FSTL5: variants seen among roughly 807,000 people sequenced by gnomAD.
FSTL5 encodes the protein follistatin like 5.
Under a neutral mutation model 89.1 loss-of-function variants are expected in FSTL5, and 62 were observed. The ratio of observed to expected loss-of-function variants is 0.70; its 90% confidence interval spans 0.57 to 0.86. The LOEUF (loss-of-function observed/expected upper bound fraction) is 0.86. FSTL5 is among the 40% of genes least tolerant of loss of function. The pLI is 0.00. For synonymous variants in FSTL5, 383 were observed against 346.2 expected (o/e 1.11, Z -1.18); for missense variants, 1,057 against 1,001.6 (o/e 1.06, Z -0.75).
intron 7 of FSTL5, among the ~76,000 whole-genome samples, chr4:161,636,256 T>C (rs1578984433): frequency 6.6e-6 from 1 of 152,090 alleles, no homozygotes; most frequent in Non-Finnish European, 1.5e-5. Flanking sequence ...TTAAAGAACA[T>C]AAAAATCTAT....
At chr4:161,976,393 C>T (rs1376354554) in intron 3 of FSTL5, among the ~76,000 whole-genome samples, 2 of 152,128 alleles carry the variant, frequency 1.3e-5, no homozygotes, top group African/African-American at 4.8e-5. Flanking sequence ...CCCAATTCAT[C>T]ATCATCAAAA....
intron 4 of FSTL5, among the ~76,000 whole-genome samples, chr4:161,845,072 C>T (rs1387925416): frequency 6.6e-6 from 1 of 152,026 alleles, no homozygotes; most frequent in African/African-American, 2.4e-5. Flanking sequence ...GAACAGAAAA[C>T]AACAATATTC....
chr4:161,732,574 A>C (rs1739651242), intron 6 of FSTL5, among the ~76,000 whole-genome samples: 1 of 152,092 alleles, frequency 6.6e-6, no homozygotes, highest in Admixed American at 6.6e-5. Flanking sequence ...AGCCAAAACA[A>C]GGCATGCAAA....
intron 2 of FSTL5, among the ~76,000 whole-genome samples, chr4:162,038,932 T>C (rs969807709): frequency 3.3e-4 from 50 of 151,930 alleles, no homozygotes; most frequent in African/African-American, 1.2e-3. Flanking sequence ...TTTCATACTA[T>C]AAGCTTAAAC....
At chr4:161,558,401 A>G (rs1732468803) in intron 8 of FSTL5, among the ~76,000 whole-genome samples, 1 of 151,884 alleles carries the variant, frequency 6.6e-6, no homozygotes, top group Non-Finnish European at 1.5e-5. Flanking sequence ...TTAAAACTGC[A>G]TAAGAATTTA....
intron 3 of FSTL5, among the ~76,000 whole-genome samples, chr4:161,952,577 A>G (rs1443491732): frequency 6.6e-6 from 1 of 151,998 alleles, no homozygotes; most frequent in Non-Finnish European, 1.5e-5. Context: ...ATTTGGATTC[A>G]TAAAATTGTT....
intron 15 of FSTL5, among the ~76,000 whole-genome samples, chr4:161,404,288 T>C (rs922168189): frequency 6.6e-6 from 1 of 152,098 alleles, no homozygotes. Flanking sequence ...AGTAGACACA[T>C]TGGAAGCCCT....
chr4:161,636,552 G>A (rs1404122669), intron 7 of FSTL5, among the ~76,000 whole-genome samples: 40 of 148,502 alleles, frequency 2.7e-4, no homozygotes, highest in Admixed American at 6.8e-4. Flanking sequence ...ATGCTGGTGC[G>A]CTGCACGCAC....
At chr4:161,941,872 T>A (rs1734597026) in intron 3 of FSTL5, among the ~76,000 whole-genome samples, 1 of 151,948 alleles carries the variant, frequency 6.6e-6, no homozygotes, top group African/African-American at 2.4e-5. Context: ...TGCCCCAGGA[T>A]ATGTTAGGCC....
chr4:161,746,651 C>T (rs1342227851), intron 6 of FSTL5, among the ~76,000 whole-genome samples: 2 of 152,150 alleles, frequency 1.3e-5, no homozygotes, highest in African/African-American at 4.8e-5. Flanking sequence ...TTTCTTTCTG[C>T]TTCTCATCTT....
At chr4:161,628,269 A>G (rs1735379911) in intron 7 of FSTL5, among the ~76,000 whole-genome samples, 1 of 152,156 alleles carries the variant, frequency 6.6e-6, no homozygotes. Flanking sequence ...GACTTAATTG[A>G]AAAATCTATA....
intron 5 of FSTL5, among the ~76,000 whole-genome samples, chr4:161,763,779 G>T (rs1454648137): frequency 6.6e-6 from 1 of 152,104 alleles, no homozygotes; most frequent in Non-Finnish European, 1.5e-5. Flanking sequence ...AAGCCCATTT[G>T]ATTTGAGGTA....
intron 7 of FSTL5, among the ~76,000 whole-genome samples, chr4:161,647,488 A>T (rs559007265): frequency 6.6e-6 from 1 of 151,802 alleles, no homozygotes; most frequent in Admixed American, 6.6e-5. Flanking sequence ...GTGGTTCCAT[A>T]TAAATTTCAG....
chr4:161,588,617 T>TCACACAACA, intron 7 of FSTL5, among the ~76,000 whole-genome samples: 4 of 152,140 alleles, frequency 2.6e-5, no homozygotes, highest in African/African-American at 9.7e-5. Flanking sequence ...ATTGCCAAAA[T>TCACACAACA]CAATTTTTTT....
chr4:162,009,070 C>T (rs1736689342), intron 3 of FSTL5, among the ~76,000 whole-genome samples: 1 of 152,066 alleles, frequency 6.6e-6, no homozygotes, highest in Non-Finnish European at 1.5e-5. Flanking sequence ...TATGTTTAAA[C>T]TACCAGTTAG....
chr4:161,548,828 T>G (rs2126553394), intron 8 of FSTL5, among the ~76,000 whole-genome samples: 1 of 152,020 alleles, frequency 6.6e-6, no homozygotes, highest in African/African-American at 2.4e-5. Flanking sequence ...CAAATGATTG[T>G]GCTATGTAAA....
intron 4 of FSTL5, among the ~76,000 whole-genome samples, chr4:161,791,926 G>A (rs540347973): frequency 3.9e-5 from 6 of 152,288 alleles, no homozygotes; most frequent in Non-Finnish European, 7.3e-5. Flanking sequence ...TGCGCGCTCC[G>A]CAGAGCCAGT....
At chr4:161,814,394 A>G (rs1579111950) in intron 4 of FSTL5, among the ~76,000 whole-genome samples, 1 of 152,170 alleles carries the variant, frequency 6.6e-6, no homozygotes, top group South Asian at 2.1e-4. Flanking sequence ...CCTGAAAAGG[A>G]ATTTCTTGAG....
At chr4:161,839,855 G>T (rs1731158639) in intron 4 of FSTL5, among the ~76,000 whole-genome samples, 1 of 152,100 alleles carries the variant, frequency 6.6e-6, no homozygotes, top group African/African-American at 2.4e-5. Flanking sequence ...ATGTTTCATT[G>T]TTATTTAAGT....
Sources: gnomAD v4.1 joint callset for allele counts (sites outside exome capture counted in the v4.1 genomes callset) on GRCh38, gnomAD v4.1.1 for gene constraint, MANE v1.5 for transcripts, NCBI Gene and HGNC (gene_info 2026-07-23, HGNC 2026-07-21) for gene names.